Variants in TENM2 observed in about 807,000 individuals in gnomAD.
The protein encoded by TENM2 is teneurin-2.
A neutral mutation model predicts 245.2 loss-of-function variants in TENM2; 52 were observed. The ratio of observed to expected loss-of-function variants is 0.21; its 90% CI spans 0.17 to 0.27. TENM2 has a LOEUF of 0.27. TENM2 is among the 10% of genes least tolerant of loss of function. The probability of loss-of-function intolerance (pLI) is 1.00; values close to 1 mark genes in which losing one functional copy is unlikely to be tolerated. For missense variants in TENM2, 3,046 were observed against 3,666.8 expected, an observed-to-expected ratio of 0.83 and a Z score of 4.37; for synonymous variants, 1,363 against 1,438.9, an observed-to-expected ratio of 0.95 and a Z score of 1.19.
At chr5:167,088,547 A>T in the TENM2 span, among the ~76,000 whole-genome samples, 1 of 151,954 alleles carries the variant, frequency 6.6e-6, no homozygotes, top group South Asian at 2.1e-4. Flanking sequence ...GACTCGCTTG[A>T]ACCTGGGAGG....
intron 2 of TENM2, among the ~76,000 whole-genome samples, chr5:167,393,993 A>G (rs1359837909): frequency 6.6e-6 from 1 of 152,180 alleles, no homozygotes; most frequent in Non-Finnish European, 1.5e-5. Flanking sequence ...TCTGATATTG[A>G]GTTGTAGGAG....
intron 2 of TENM2, among the ~76,000 whole-genome samples, chr5:167,852,122 T>C (rs1206568458): frequency 6.6e-6 from 1 of 152,230 alleles, no homozygotes; most frequent in Non-Finnish European, 1.5e-5. Context: ...AATATGTGTG[T>C]ATATATATTT....
At chr5:168,126,518 T>A (rs1795861927) in intron 11 of TENM2, among the ~76,000 whole-genome samples, 1 of 152,120 alleles carries the variant, frequency 6.6e-6, no homozygotes, top group South Asian at 2.1e-4. Flanking sequence ...TTCTAACGAG[T>A]TCCCAGGTGA....
chr5:167,391,671 T>C (rs1258517535), intron 2 of TENM2, among the ~76,000 whole-genome samples: 1 of 150,788 alleles, frequency 6.6e-6, no homozygotes, highest in Non-Finnish European at 1.5e-5. Context: ...TTTCTAACTT[T>C]AGCCACTGGA....
chr5:167,939,601 A>G (rs1055860303), intron 3 of TENM2, among the ~76,000 whole-genome samples: 2 of 152,240 alleles, frequency 1.3e-5, no homozygotes, highest in Non-Finnish European at 2.9e-5. Context: ...GTTAGCTCCA[A>G]TGTCAGCCCT....
At chr5:168,047,884 G>GGCAGCAGCA (rs370697921) in intron 6 of TENM2, among the ~76,000 whole-genome samples, 1 of 151,698 alleles carries the variant, frequency 6.6e-6, no homozygotes, top group Non-Finnish European at 1.5e-5. Context: ...CAGCTGGAGT[G>GGCAGCAGCA]GCAGCAGCAG....
At chr5:167,888,786 G>A (rs772159336) in intron 3 of TENM2, among the ~76,000 whole-genome samples, 3 of 152,180 alleles carry the variant, frequency 2.0e-5, no homozygotes, top group African/African-American at 4.8e-5. Context: ...TTTGTTTTAC[G>A]ATTTCTGTTG....
chr5:167,162,790 C>T, the TENM2 span, among the ~76,000 whole-genome samples: 1 of 152,106 alleles, frequency 6.6e-6, no homozygotes, highest in East Asian at 1.9e-4. Context: ...GAGTGCATTT[C>T]AGAAAAATGC....
intron 25 of TENM2, among the ~76,000 whole-genome samples, chr5:168,236,303 C>A (rs979563152): frequency 1.3e-5 from 2 of 152,156 alleles, no homozygotes; most frequent in Non-Finnish European, 2.9e-5. Flanking sequence ...AGCCTCCATA[C>A]CAGACACCCT....
chr5:167,488,272 C>T (rs1490328143), intron 2 of TENM2, among the ~76,000 whole-genome samples: 2 of 152,140 alleles, frequency 1.3e-5, no homozygotes, highest in Non-Finnish European at 1.5e-5. Context: ...CTTCCCTTTT[C>T]TTTATAGAAC....
intron 2 of TENM2, among the ~76,000 whole-genome samples, chr5:167,444,298 TACACACACAC>T (rs140953889): frequency 1.3e-5 from 2 of 150,488 alleles, no homozygotes; most frequent in African/African-American, 2.4e-5. Flanking sequence ...CACATACACA[TACACACACAC>T]ACACACACAC....
At chr5:167,764,486 A>C (rs1353527443) in intron 2 of TENM2, among the ~76,000 whole-genome samples, 1 of 152,158 alleles carries the variant, frequency 6.6e-6, no homozygotes, top group East Asian at 1.9e-4. Flanking sequence ...GCTTCTCAAG[A>C]AGGAGACCTC....
At chr5:167,895,880 G>C (rs937214583) in intron 3 of TENM2, among the ~76,000 whole-genome samples, 1 of 152,152 alleles carries the variant, frequency 6.6e-6, no homozygotes, top group African/African-American at 2.4e-5. Flanking sequence ...TAGATAACAG[G>C]GAGCTCAACA....
chr5:167,197,676 A>G, the TENM2 span, among the ~76,000 whole-genome samples: 1 of 152,054 alleles, frequency 6.6e-6, no homozygotes, highest in Non-Finnish European at 1.5e-5. Context: ...GAACAGATAA[A>G]TATATGTTCT....
intron 2 of TENM2, among the ~76,000 whole-genome samples, chr5:167,402,328 G>T (rs1762408076): frequency 6.6e-6 from 1 of 152,104 alleles, no homozygotes; most frequent in Non-Finnish European, 1.5e-5. Context: ...CATAATCATA[G>T]GTAGAAACAT....
At chr5:167,149,623 C>T in the TENM2 span, among the ~76,000 whole-genome samples, 3 of 152,140 alleles carry the variant, frequency 2.0e-5, no homozygotes, top group Non-Finnish European at 4.4e-5. Context: ...CCATATTTGT[C>T]AGGTTTCTTC....
the TENM2 span, among the ~76,000 whole-genome samples, chr5:167,058,799 G>A: frequency 6.6e-6 from 1 of 152,048 alleles, no homozygotes; most frequent in East Asian, 1.9e-4. Context: ...AAAAGAAAAG[G>A]AAAAGAGAAA....
At chr5:167,898,392 C>G (rs1460563137) in intron 3 of TENM2, among the ~76,000 whole-genome samples, 2 of 152,214 alleles carry the variant, frequency 1.3e-5, no homozygotes, top group South Asian at 4.2e-4. Context: ...GATCTAGTAG[C>G]TTGGACTTGC....
At chr5:167,005,770 TC>T in the TENM2 span, among the ~76,000 whole-genome samples, 1 of 149,236 alleles carries the variant, frequency 6.7e-6, no homozygotes, top group Non-Finnish European at 1.5e-5. Flanking sequence ...CAAGTGATTA[TC>T]CTGCCTCAGC....
Sources: allele counts gnomAD v4.1 joint callset (sites outside exome capture counted in the v4.1 genomes callset), GRCh38; gene constraint gnomAD v4.1.1; transcripts MANE v1.5; gene names NCBI Gene and HGNC (gene_info 2026-07-23, HGNC 2026-07-21).